MTTP: variants seen among roughly 807,000 people sequenced by gnomAD.
MTTP encodes microsomal triglyceride transfer protein, also known as microsomal triglyceride transfer protein large subunit.
MTTP carries 49 observed loss-of-function variants against 90.6 expected under a neutral mutation model. The ratio of observed to expected loss-of-function variants is 0.54; its 90% CI spans 0.43 to 0.69. The LOEUF (loss-of-function observed/expected upper bound fraction) is 0.69. MTTP is among the 30% of genes least tolerant of loss of function. The probability of loss-of-function intolerance (pLI) is 0.00; values close to 1 mark genes in which losing one functional copy is unlikely to be tolerated. For synonymous variants in MTTP, 347 were observed against 384.2 expected, an observed-to-expected ratio of 0.90 and a Z score of 1.13; for missense variants, 945 against 1,067.5, an observed-to-expected ratio of 0.89 and a Z score of 1.60.
At chr4:99,566,497 G>A (rs1428511730) in intron 1 of MTTP, among the ~76,000 whole-genome samples, 1 of 152,064 alleles carries the variant, frequency 6.6e-6, no homozygotes, top group African/African-American at 2.4e-5. Flanking sequence ...GTATCTATGG[G>A]GACTGGAAGG....
rs1262935719 is a variant in MTTP at position 99,622,906 on chromosome 4, T to C, written c.*58T>C. 1 of 1,543,930 alleles carries C rather than the reference T, an allele frequency of 6.5e-7. No individual in the cohort carries two copies. The highest frequency in any genetic ancestry group is 1.4e-5 in the African/African-American group (1 of 73,292). ...TCCCCGAAAGGGACACAATGTGGCA[T>C]GACTAAGTACTTGCTCTCTGAGAGC... On this transcript the variant is annotated 3_prime_UTR_variant, in exon 18 of 18. Transcript: ENST00000265517.
intron 15 of MTTP, among the ~76,000 whole-genome samples, chr4:99,614,370 G>A (rs947249373): frequency 1.3e-5 from 2 of 152,130 alleles, no homozygotes; most frequent in African/African-American, 4.8e-5. Context: ...AGATATCTTA[G>A]GTATTAGACT....
chr4:99,621,345 A>C (rs1726227173), intron 17 of MTTP, 114 bp downstream of exon 17: 2 of 1,350,902 alleles, frequency 1.5e-6, no homozygotes, highest in Non-Finnish European at 2.1e-6. Context: ...AAACCCAGGG[A>C]AAGATGAATT....
intron 1 of MTTP, chr4:99,564,377 A>G: frequency 1.2e-6 from 1 of 811,770 alleles, no homozygotes; most frequent in Non-Finnish European, 1.8e-6. Flanking sequence ...ACAGAAAATT[A>G]CCATATCACA....
In MTTP at chr4:99,582,087, A is replaced by G; in HGVS notation, c.244A>G (p.Ile82Val). 2 of 1,614,146 alleles carry G rather than the reference A, an allele frequency of 1.2e-6. No homozygotes were observed. Among genetic ancestry groups the G allele is most frequent in the Non-Finnish European group, 1.7e-6 (2 of 1,179,968 alleles). ...PDGDDDQLIQ[I>V]TMKDVNVENV... ...TGGTGATGATGACCAGTTGATCCAA[A>G]TAACGGTGGGCATTTTCTACCAGAT... The change falls in exon 2 of 18, where the codon ATA (isoleucine) becomes GTA (valine). Residue 82 changes from isoleucine to valine, a missense_variant. Ile to Val is a conservative substitution (Grantham distance 29). Transcript: ENST00000265517.
chr4:99,568,358 T>TAGC (rs1724755458), intron 1 of MTTP, among the ~76,000 whole-genome samples: 1 of 152,130 alleles, frequency 6.6e-6, no homozygotes, highest in African/African-American at 2.4e-5. Flanking sequence ...CCTTCCTATA[T>TAGC]AGCAGCAGTG....
upstream of MTTP, among the ~76,000 whole-genome samples, chr4:99,571,084 T>G (rs1724831550): frequency 6.6e-6 from 1 of 151,956 alleles, no homozygotes; most frequent in South Asian, 2.1e-4. Flanking sequence ...TTCAAATATA[T>G]TCCCCAAATA....
chr4:99,568,230 A>G (rs931567763), intron 1 of MTTP, among the ~76,000 whole-genome samples: 4 of 152,128 alleles, frequency 2.6e-5, no homozygotes, highest in African/African-American at 9.6e-5. Flanking sequence ...CCATTTGTAG[A>G]TGACTGAATG....
chr4:99,579,665 G>A (rs138623243), intron 1 of MTTP, among the ~76,000 whole-genome samples: 6 of 151,814 alleles, frequency 4.0e-5, no homozygotes, highest in East Asian at 1.9e-4. Flanking sequence ...CTTCTCCATC[G>A]CATTTAAATG....
chr4:99,584,541 T>C (rs1009958032), intron 3 of MTTP, among the ~76,000 whole-genome samples: 2 of 152,142 alleles, frequency 1.3e-5, no homozygotes, highest in African/African-American at 4.8e-5. Context: ...AGAAGAAATC[T>C]TGTGTTTTCA....
chr4:99,584,557 C>T (rs1450675201), intron 3 of MTTP, among the ~76,000 whole-genome samples: 2 of 152,076 alleles, frequency 1.3e-5, no homozygotes, highest in Non-Finnish European at 2.9e-5. Flanking sequence ...TTTCACCTCG[C>T]CTACAACCAA....
chr4:99,564,358 T>C, intron 1 of MTTP: 1 of 973,944 alleles, frequency 1.0e-6, no homozygotes, highest in Non-Finnish European at 1.4e-6. Context: ...TATATTATTT[T>C]TAATTTATAC....
intron 1 of MTTP, among the ~76,000 whole-genome samples, chr4:99,576,611 C>T (rs1724966779): frequency 7.2e-6 from 1 of 138,296 alleles, no homozygotes; most frequent in Admixed American, 7.9e-5. Context: ...AGGAGAATGG[C>T]GTGAACCCGG....
chr4:99,615,603 T>C (rs1726079380), intron 15 of MTTP, among the ~76,000 whole-genome samples: 3 of 152,196 alleles, frequency 2.0e-5, no homozygotes, highest in African/African-American at 4.8e-5. Flanking sequence ...CAGAGACACA[T>C]ACCACTCTAG....
chr4:99,596,188 GA>G (rs911968317), intron 7 of MTTP, among the ~76,000 whole-genome samples: 7 of 150,984 alleles, frequency 4.6e-5, no homozygotes, highest in Non-Finnish European at 3.0e-5. Context: ...TTGAAAAAGA[GA>G]AAAAAAAGGA....
At chr4:99,607,742 C>T (rs1408026892) in intron 11 of MTTP, among the ~76,000 whole-genome samples, 1 of 152,088 alleles carries the variant, frequency 6.6e-6, no homozygotes, top group Non-Finnish European at 1.5e-5. Flanking sequence ...ACGTTTTCTT[C>T]GATGCTAATG....
chr4:99,585,288 T>C (rs757042631), intron 3 of MTTP, among the ~76,000 whole-genome samples: 19 of 144,932 alleles, frequency 1.3e-4, no homozygotes, highest in Non-Finnish European at 2.2e-4. Flanking sequence ...GGCTGCCTTA[T>C]CAACCTCTTG....
At chr4:99,610,921 T>C (rs1213935628) in intron 12 of MTTP, among the ~76,000 whole-genome samples, 3 of 152,198 alleles carry the variant, frequency 2.0e-5, no homozygotes, top group Non-Finnish European at 4.4e-5. Context: ...CTTGCCTTGC[T>C]GTCATTTTGA....
chr4:99,608,753 A>G lies in MTTP; in HGVS notation c.1558-13A>G. 6.2e-7 allele frequency: 1 copy of G among 1,605,808 alleles called. No homozygotes were observed. Among genetic ancestry groups the G allele is most frequent in the African/African-American group, 1.3e-5 (1 of 74,892 alleles). On this transcript the variant is annotated splice_polypyrimidine_tract_variant and intron_variant, in intron 11 of 17. Transcript: ENST00000265517. The stretch of plus-strand genomic sequence containing the variant: ...ATCTAGATGTGCACTAAGTTTGAAC[A>G]TCTTATGAACAGGTGAAGAAGACCT...
Sources: gnomAD v4.1 joint callset for allele counts (sites outside exome capture counted in the v4.1 genomes callset) on GRCh38, gnomAD v4.1.1 for gene constraint, MANE v1.5 for transcripts, NCBI Gene and HGNC (gene_info 2026-07-23, HGNC 2026-07-21) for gene names.